Variants in SVIL observed in about 807,000 individuals in gnomAD.
The protein encoded by SVIL is archvillin.
A neutral mutation model predicts 240.4 loss-of-function variants in SVIL; 101 were observed. The ratio of observed to expected loss-of-function variants is 0.42; its 90% confidence interval spans 0.36 to 0.50. The LOEUF is 0.50. Among genes scored for constraint, SVIL ranks in the 20% least tolerant of loss-of-function variants. SVIL has a pLI of 0.01. For missense variants in SVIL, 2,512 were observed against 2,818.7 expected (o/e 0.89, Z 2.46); for synonymous variants, 999 against 1,100.0 (o/e 0.91, Z 1.82).
At chr10:29,488,475 A>G (rs1178369776) in intron 23 of SVIL, 126 bp downstream of exon 23, 22 of 1,158,554 alleles carry the variant, frequency 1.9e-5, no homozygotes, top group Non-Finnish European at 2.5e-5. Flanking sequence ...AGGAACACAC[A>G]ATAAGTTCTC....
intron 1 of SVIL, among the ~76,000 whole-genome samples, chr10:29,588,706 A>G (rs1440772896): frequency 6.6e-6 from 1 of 152,228 alleles, no homozygotes; most frequent in Non-Finnish European, 1.5e-5. Flanking sequence ...CGAGTCACAC[A>G]AAAGCTGCCT....
At chr10:29,687,781 A>G (rs1472528282) in intron 1 of SVIL, among the ~76,000 whole-genome samples, 3 of 152,208 alleles carry the variant, frequency 2.0e-5, no homozygotes, top group Non-Finnish European at 4.4e-5. Context: ...AAACCTCCTG[A>G]AAACTTCTTT....
intron 1 of SVIL, among the ~76,000 whole-genome samples, chr10:29,583,684 G>C (rs952439630): frequency 6.6e-6 from 1 of 152,208 alleles, no homozygotes; most frequent in African/African-American, 2.4e-5. Flanking sequence ...TGCGGGGTAG[G>C]GGAGGGCGTG....
At chr10:29,665,398 T>G (rs1268649830) in intron 2 of SVIL, among the ~76,000 whole-genome samples, 2 of 152,166 alleles carry the variant, frequency 1.3e-5, no homozygotes, top group Non-Finnish European at 2.9e-5. Flanking sequence ...AAATATTTTC[T>G]GTTGCTCTCT....
At chr10:29,593,388 TCAACTGTGGA>T (rs1956463711) in intron 1 of SVIL, among the ~76,000 whole-genome samples, 1 of 152,090 alleles carries the variant, frequency 6.6e-6, no homozygotes, top group Non-Finnish European at 1.5e-5. Flanking sequence ...CCCAAATATT[TCAACTGTGGA>T]CTCGAGAGCA....
intron 1 of SVIL, among the ~76,000 whole-genome samples, chr10:29,622,174 C>CGGGAGGCGGAGCTTGCA: frequency 7.7e-6 from 1 of 129,720 alleles, no homozygotes; most frequent in East Asian, 2.7e-4. Flanking sequence ...GGCGTGAACC[C>CGGGAGGCGGAGCTTGCA]GGGAGGCGGA....
chr10:29,578,046 C>G (rs1184988599), intron 1 of SVIL, among the ~76,000 whole-genome samples: 1 of 152,154 alleles, frequency 6.6e-6, no homozygotes, highest in Non-Finnish European at 1.5e-5. Context: ...GGGAATTAGT[C>G]TACCTGGGGT....
chr10:29,486,636 G>C, intron 24 of SVIL, 79 bp from the exon 25 acceptor site: 1 of 1,550,228 alleles, frequency 6.5e-7, no homozygotes, highest in East Asian at 2.3e-5. Flanking sequence ...AACCAGAGAG[G>C]AGAAACAGTG....
In SVIL at chr10:29,532,799, G is replaced by A. The variant is rs1951469064; in HGVS notation, c.1568C>T (p.Pro523Leu). The A allele has an allele frequency of 6.2e-7, 1 of 1,614,162 alleles. No individual in the cohort carries two copies. The highest frequency in any genetic ancestry group is 8.5e-7 in the Non-Finnish European group (1 of 1,180,034). ...AGTTGGTTTGGCGTCTTGGGACACA[G>A]GCTCACTTTGAATGTAGAGAACCAT... Reference protein sequence around the residue: ...SEMVLYIQSEPVSQDAKPTGH... With the variant: ...SEMVLYIQSELVSQDAKPTGH... The change falls in exon 8 of 38, where the codon CCT becomes CTT. Residue 523 changes from proline (P) to leucine (L), a missense_variant. Physicochemically the swap from Pro to Leu is moderately conservative, Grantham distance 98. Transcript: ENST00000355867.
At chr10:29,515,650 C>A (rs1383755326) in intron 16 of SVIL, among the ~76,000 whole-genome samples, 1 of 152,212 alleles carries the variant, frequency 6.6e-6, no homozygotes, top group Non-Finnish European at 1.5e-5. Flanking sequence ...TCCTGAACAT[C>A]CACCTTGTTA....
At chr10:29,623,355 G>A (rs559905693) in intron 1 of SVIL, among the ~76,000 whole-genome samples, 8 of 152,324 alleles carry the variant, frequency 5.3e-5, no homozygotes, top group African/African-American at 1.4e-4. Context: ...GTGGCTAGGG[G>A]CTACCCAACA....
Position 29,463,490 on chromosome 10 carries a change from A to C in SVIL, c.6277+2T>G. On this transcript the variant is annotated splice_donor_variant, in intron 35 of 37. Coordinates refer to ENST00000355867, the MANE Select transcript of SVIL (RefSeq NM_021738.3). LOFTEE classifies it high-confidence loss of function. ...CTGCAGGCATGTTAGAGGGAGCCTC[A>C]CCTTTGCAGTACTGGAGCACAGTCT... The C allele has an allele frequency of 6.2e-7, 1 of 1,613,422 alleles. No homozygotes were observed. Among genetic ancestry groups the C allele is most frequent in the Non-Finnish European group, 8.5e-7 (1 of 1,179,700 alleles).
intron 5 of SVIL, 110 bp from the exon 6 acceptor site, chr10:29,551,373 G>A: frequency 1.9e-6 from 2 of 1,081,080 alleles, no homozygotes; most frequent in South Asian, 3.3e-5. Flanking sequence ...CCCATGCTGT[G>A]AAGGACCAGT....
Position 29,699,979 on chromosome 10 carries a change from C to T in SVIL, c.-399-13328G>A, listed in dbSNP as rs149009990. Among the ~76,000 whole-genome samples the T allele has an allele frequency of 3.3e-3, 507 of 152,286 alleles. 1 individual carries two copies. The highest frequency in any genetic ancestry group is 0.01 in the South Asian group (50 of 4,812). ...CTTACTCTACACAAATGGGCCCTGG[C>T]TTACCAAGGAAAGGTTTCCAAACTC... On this transcript the variant is annotated intron_variant, in intron 1 of 35. Transcript: ENST00000375400.
At chr10:29,512,900 C>G in intron 16 of SVIL, 39 bp from the exon 17 acceptor site, 1 of 1,598,162 alleles carries the variant, frequency 6.3e-7, no homozygotes, top group East Asian at 2.2e-5. Context: ...AGTTCAGCAC[C>G]AAACTCTTCC....
At chr10:29,678,322 A>C (rs550986843) in intron 2 of SVIL, among the ~76,000 whole-genome samples, 1 of 152,028 alleles carries the variant, frequency 6.6e-6, no homozygotes, top group African/African-American at 2.4e-5. Context: ...ACAGATCATC[A>C]GGCATTAGAT....
At chr10:29,488,535 G>C in intron 23 of SVIL, 66 bp downstream of exon 23, 1 of 1,446,678 alleles carries the variant, frequency 6.9e-7, no homozygotes, top group Non-Finnish European at 9.1e-7. Context: ...ACAGAGTCAG[G>C]ACTCCGTATG....
At position 29,550,801 on chromosome 10, in the gene SVIL, C is replaced by G. The variant is rs1953248803; in HGVS notation, c.623G>C (p.Gly208Ala). The change falls in exon 6 of 38, where the codon GGT (glycine) becomes GCT (alanine). Residue 208 changes from glycine to alanine, a missense_variant. Physicochemically the swap from Gly to Ala is moderately conservative, Grantham distance 60 (BLOSUM62 0). This residue lies in a region of SVIL where 1,443 missense variants were observed against 1,486.6 expected (regional missense o/e 0.97). Coordinates refer to ENST00000355867, the MANE Select transcript of SVIL (RefSeq NM_021738.3). Reference sequence around the variant, plus strand: ...CTGCCGGGTGGCACTCAGCTCTTGACCTCGTCTTTGGTTTTCTATGTTCAG... The same window carrying G: ...CTGCCGGGTGGCACTCAGCTCTTGAGCTCGTCTTTGGTTTTCTATGTTCAG... ...VLLNIENQRR[G>A]QELSATRQAH... The G allele has an allele frequency of 5.6e-6, 9 of 1,614,106 alleles. No individual in the cohort carries two copies. The East Asian group carries it at 2.0e-4, about 36-fold the overall frequency.
chr10:29,592,223 G>A (rs1956418233), intron 1 of SVIL, among the ~76,000 whole-genome samples: 1 of 152,210 alleles, frequency 6.6e-6, no homozygotes, highest in African/African-American at 2.4e-5. Flanking sequence ...CTGCACTCCA[G>A]CCTGGGCAAC....
Sources: gnomAD v4.1 joint callset for allele counts (sites outside exome capture counted in the v4.1 genomes callset) on GRCh38, gnomAD v4.1.1 for gene constraint, gnomAD v4.1.1 regional missense constraint, MANE v1.5 for transcripts, NCBI Gene and HGNC (gene_info 2026-07-23, HGNC 2026-07-21) for gene names.